DOCK2: variants seen among roughly 807,000 people sequenced by gnomAD.
DOCK2 encodes dedicator of cytokinesis protein 2.
A neutral mutation model predicts 248.9 loss-of-function variants in DOCK2; 87 were observed. That is an observed-to-expected ratio of 0.35 (90% CI 0.29 to 0.42). DOCK2 has a LOEUF of 0.42. Among genes scored for constraint, DOCK2 ranks in the 10% least tolerant of loss-of-function variants. The pLI is 1.00. For missense variants in DOCK2, 1,747 were observed against 2,300.2 expected, an observed-to-expected ratio of 0.76 and a Z score of 4.92; for synonymous variants, 805 against 821.6, an observed-to-expected ratio of 0.98 and a Z score of 0.35.
chr5:169,709,181 A>C (rs1244689071), intron 15 of DOCK2, among the ~76,000 whole-genome samples: 2 of 152,218 alleles, frequency 1.3e-5, no homozygotes, highest in South Asian at 2.1e-4. Context: ...GCATTCCTTC[A>C]AGATGCCCTT....
At position 169,684,233 on chromosome 5, in the gene DOCK2, T is replaced by A; in HGVS notation, c.644T>A (p.Ile215Asn). 6.2e-7 allele frequency: 1 copy of A among 1,614,166 alleles called. No homozygotes were observed. The highest frequency in any genetic ancestry group is 8.5e-7 in the Non-Finnish European group (1 of 1,180,016). The change falls in exon 8 of 52, where the codon ATC becomes AAC. Residue 215 changes from isoleucine (I) to asparagine (N), a missense_variant. Around this residue, in one of 4 missense-constraint regions of DOCK2, gnomAD observed 375 missense variants for 510.9 expected, o/e 0.73. Transcript: ENST00000520908. ...DQPDYAMYSR[I>N]SSSPTHSLYV... is the part of the protein sequence containing the mutation. ...CCAGATTATGCAATGTATTCCCGGATCTCCTCATCCCCCACCCATAGCCTC... is the reference window on the plus strand; with the variant it reads ...CCAGATTATGCAATGTATTCCCGGAACTCCTCATCCCCCACCCATAGCCTC...
chr5:169,724,843 T>C (rs955581086), intron 22 of DOCK2, among the ~76,000 whole-genome samples: 1 of 152,072 alleles, frequency 6.6e-6, no homozygotes, highest in African/African-American at 2.4e-5. Context: ...GCTCAGTTTC[T>C]TCCTATGTAA....
intron 36 of DOCK2, among the ~76,000 whole-genome samples, chr5:170,039,480 T>G (rs1017617277): frequency 1.3e-5 from 2 of 152,238 alleles, no homozygotes; most frequent in Non-Finnish European, 2.9e-5. Flanking sequence ...CTAAGGCCTG[T>G]TATAGCCTGG....
chr5:169,799,130 C>T (rs1353151838), intron 25 of DOCK2, among the ~76,000 whole-genome samples: 1 of 152,186 alleles, frequency 6.6e-6, no homozygotes, highest in East Asian at 1.9e-4. Flanking sequence ...ATCACCATGG[C>T]ATCTTCACTG....
At chr5:169,713,413 A>G (rs1051730897) in intron 17 of DOCK2, among the ~76,000 whole-genome samples, 2 of 152,102 alleles carry the variant, frequency 1.3e-5, no homozygotes, top group African/African-American at 4.8e-5. Context: ...TGTAATGCCT[A>G]CCTCTAGTCA....
At position 169,727,880 on chromosome 5, in the gene DOCK2, A is replaced by T. The variant is rs968322240; in HGVS notation, c.2267+9089A>T. On this transcript the variant is annotated intron_variant, in intron 22 of 51. Transcript: ENST00000520908. The stretch of plus-strand genomic sequence containing the variant: ...TAAAGCAGGGGATTAACATGATTAG[A>T]TTCATCTTTTGGATAGAGTACTGGG... Among the ~76,000 whole-genome samples, 5 of 152,316 alleles carry T rather than the reference A, an allele frequency of 3.3e-5. 1 individual carries two copies. The highest frequency in any genetic ancestry group is 1.9e-4 in the East Asian group (1 of 5,184).
intron 22 of DOCK2, among the ~76,000 whole-genome samples, chr5:169,742,975 C>CT (rs1763403723): frequency 6.6e-6 from 1 of 152,212 alleles, no homozygotes; most frequent in Non-Finnish European, 1.5e-5. Flanking sequence ...CTGGCAAAAT[C>CT]TGCTGGTTTC....
At chr5:169,942,656 G>A (rs533897068) in intron 27 of DOCK2, among the ~76,000 whole-genome samples, 56 of 152,292 alleles carry the variant, frequency 3.7e-4, no homozygotes, top group Admixed American at 1.3e-3. Context: ...GATGCAGGGC[G>A]GTCTGGAGTT....
At chr5:170,049,925 ATGT>A (rs1335301418) in intron 40 of DOCK2, among the ~76,000 whole-genome samples, 1 of 152,190 alleles carries the variant, frequency 6.6e-6, no homozygotes, top group African/African-American at 2.4e-5. Flanking sequence ...CAACGGGGAA[ATGT>A]TGTGGCCATG....
chr5:170,018,285 G>A (rs143291600), intron 32 of DOCK2, among the ~76,000 whole-genome samples: 138 of 152,266 alleles, frequency 9.1e-4, no homozygotes, highest in African/African-American at 2.5e-3. Context: ...ACAGGGAAAA[G>A]TATTCTCAGC....
At chr5:170,016,326 T>C (rs904964222) in intron 32 of DOCK2, among the ~76,000 whole-genome samples, 1 of 151,970 alleles carries the variant, frequency 6.6e-6, no homozygotes, top group African/African-American at 2.4e-5. Flanking sequence ...CATGAGCACT[T>C]TTTTTCCCAA....
At chr5:169,758,775 T>G (rs990873549) in intron 23 of DOCK2, among the ~76,000 whole-genome samples, 3 of 152,244 alleles carry the variant, frequency 2.0e-5, no homozygotes, top group African/African-American at 7.2e-5. Context: ...TGTAAATTCT[T>G]AGAGAATAAT....
intron 25 of DOCK2, among the ~76,000 whole-genome samples, chr5:169,775,686 G>A (rs758599691): frequency 6.6e-6 from 1 of 151,832 alleles, no homozygotes; most frequent in Non-Finnish European, 1.5e-5. Context: ...CTATAAGAAT[G>A]ACTATTGCCA....
chr5:170,050,101 T>C (rs1452054671), intron 40 of DOCK2, among the ~76,000 whole-genome samples, 155 bp from the exon 41 acceptor site: 1 of 152,138 alleles, frequency 6.6e-6, no homozygotes, highest in Admixed American at 6.5e-5. Flanking sequence ...GGTCAGTGAG[T>C]TGAGCCCTTC....
rs1288622056 is a variant in DOCK2 at position 170,008,206 on chromosome 5, ACAACAACAAC to A, written c.3073-290_3073-281del. Among the ~76,000 whole-genome samples, 16 of 62,752 alleles carry A rather than the reference ACAACAACAAC, an allele frequency of 2.5e-4. No individual in the cohort carries two copies. The East Asian group carries it at 5.6e-3, about 22-fold the overall frequency. 41.2% of individuals were successfully genotyped at this position (62,752 alleles called of 152,430 possible). A position where few individuals can be genotyped will look rare whatever the true frequency, so the allele number is the denominator to read the frequency against. On this transcript the variant is annotated intron_variant, in intron 30 of 51. Transcript: ENST00000520908. ...AAGCACAAGGACAAAAACAACAACA[ACAACAACAAC>A]AACAACAACAAAAAAAAAAAAACCT...
intron 26 of DOCK2, among the ~76,000 whole-genome samples, chr5:169,837,266 A>G (rs400356): frequency 0.024 from 3,638 of 152,290 alleles, 144 homozygotes; most frequent in African/African-American, 0.08. Context: ...TTCAATTACA[A>G]GCTACCGTTT....
intron 45 of DOCK2, 113 bp downstream of exon 45, chr5:170,067,799 T>C: frequency 8.2e-7 from 1 of 1,218,424 alleles, no homozygotes; most frequent in East Asian, 2.4e-5. Context: ...ACTGTCCTTG[T>C]CCCCAGAGGG....
intron 46 of DOCK2, among the ~76,000 whole-genome samples, chr5:170,073,727 CTGTT>C (rs1181992022): frequency 2.0e-5 from 3 of 151,802 alleles, no homozygotes; most frequent in African/African-American, 7.3e-5. Context: ...ATTTTATTTT[CTGTT>C]TGTTAACTTT....
intron 9 of DOCK2, among the ~76,000 whole-genome samples, chr5:169,690,613 A>T (rs1760243660): frequency 1.3e-5 from 2 of 152,212 alleles, no homozygotes; most frequent in African/African-American, 4.8e-5. Context: ...GTTATTAGTT[A>T]CAAGGAGGAG....
Sources: gnomAD v4.1 joint callset for allele counts (sites outside exome capture counted in the v4.1 genomes callset) on GRCh38, gnomAD v4.1.1 for gene constraint, gnomAD v4.1.1 regional missense constraint, MANE v1.5 for transcripts, NCBI Gene and HGNC (gene_info 2026-07-23, HGNC 2026-07-21) for gene names.